The following GALNTL6 variants were observed in gnomAD, a reference collection of about 807,000 sequenced individuals.
The protein encoded by GALNTL6 is polypeptide N-acetylgalactosaminyltransferase like 6.
A neutral mutation model predicts 73.7 loss-of-function variants in GALNTL6; 46 were observed. The ratio of observed to expected loss-of-function variants is 0.62; its 90% CI spans 0.49 to 0.80. GALNTL6 has a LOEUF of 0.80. Ranked by LOEUF, GALNTL6 falls within the 30% of genes least tolerant of loss-of-function variation. The probability of loss-of-function intolerance (pLI) is 0.00; values close to 1 mark genes in which losing one functional copy is unlikely to be tolerated. For synonymous variants in GALNTL6, 259 were observed against 263.7 expected (o/e 0.98, Z 0.17); for missense variants, 604 against 755.0 (o/e 0.80, Z 2.34).
At chr4:171,964,219 G>A (rs1472506385) in intron 2 of GALNTL6, among the ~76,000 whole-genome samples, 1 of 151,640 alleles carries the variant, frequency 6.6e-6, no homozygotes, top group Non-Finnish European at 1.5e-5. Context: ...TTTTCTGCTG[G>A]TATCATTGAA....
chr4:172,583,859 C>T (rs1477107258), intron 5 of GALNTL6, among the ~76,000 whole-genome samples: 1 of 145,620 alleles, frequency 6.9e-6, no homozygotes, highest in Non-Finnish European at 1.5e-5. Context: ...CACCACCGCA[C>T]TCCAGCCTGG....
intron 2 of GALNTL6, among the ~76,000 whole-genome samples, chr4:172,105,218 C>T (rs1395713313): frequency 7.9e-5 from 12 of 151,592 alleles, no homozygotes; most frequent in African/African-American, 2.9e-4. Flanking sequence ...AAAAAAAGAA[C>T]ATATGAAGGG....
intron 8 of GALNTL6, among the ~76,000 whole-genome samples, chr4:172,918,513 T>A (rs948523093): frequency 1.3e-5 from 2 of 152,186 alleles, no homozygotes; most frequent in Non-Finnish European, 2.9e-5. Context: ...TCCAAACAGC[T>A]GAGAATACAT....
chr4:172,231,198 A>C lies in GALNTL6; in HGVS notation c.247+1434A>C, dbSNP rs536324102. Among the ~76,000 whole-genome samples, 14 of 152,220 alleles carry C rather than the reference A, an allele frequency of 9.2e-5. 1 individual carries two copies. The South Asian group carries it at 2.9e-3, about 32-fold the overall frequency. The stretch of plus-strand genomic sequence containing the variant: ...ATTTTTTTCCTCTATTTGCTTGATC[A>C]ACCCTATATTAATCCAACCACTTGT... On this transcript the variant is annotated intron_variant, in intron 3 of 12. Transcript: ENST00000506823.
At chr4:172,994,723 C>T (rs1579756679) in intron 10 of GALNTL6, among the ~76,000 whole-genome samples, 1 of 152,098 alleles carries the variant, frequency 6.6e-6, no homozygotes, top group African/African-American at 2.4e-5. Context: ...AGAAGACCGG[C>T]TATTACACTC....
intron 5 of GALNTL6, among the ~76,000 whole-genome samples, chr4:172,394,302 G>A (rs1196081163): frequency 6.6e-6 from 1 of 151,550 alleles, no homozygotes; most frequent in East Asian, 1.9e-4. Context: ...ATTGTTATTT[G>A]TATTCACATA....
chr4:172,028,313 A>T lies in GALNTL6; in HGVS notation c.139-201343A>T, dbSNP rs545868659. On this transcript the variant is annotated intron_variant, in intron 2 of 12. Transcript: ENST00000506823. ...AAAAAAAAGTATAAAAACTTCAAAAAAATATAAAGTTGACAGTATTAGGAA... is the reference window on the plus strand; with the variant it reads ...AAAAAAAAGTATAAAAACTTCAAAATAATATAAAGTTGACAGTATTAGGAA... 6.6e-3 allele frequency among the ~76,000 whole-genome samples: 893 copies of T among 134,882 alleles called. 9 individuals are homozygous for T. Among genetic ancestry groups the T allele is most frequent in the African/African-American group, 0.02 (797 of 40,034 alleles). The allele number at this position is 134,882 out of a possible 152,430, so 88.5% of individuals were successfully genotyped here. A position where few individuals can be genotyped will look rare whatever the true frequency, so the allele number is the denominator to read the frequency against.
chr4:172,976,721 G>T lies in GALNTL6; in HGVS notation c.1371+24463G>T, dbSNP rs147529330. Reference sequence around the variant, plus strand: ...GTCCACCTTTTCTGATTTCAGCCTGGTCCACACAGAAAGTTTGAGAGACAG... The same window carrying T: ...GTCCACCTTTTCTGATTTCAGCCTGTTCCACACAGAAAGTTTGAGAGACAG... On this transcript the variant is annotated intron_variant, in intron 10 of 12. Coordinates refer to ENST00000506823, the MANE Select transcript of GALNTL6 (RefSeq NM_001034845.3). Among the ~76,000 whole-genome samples the T allele has an allele frequency of 7.4e-3, 1,132 of 152,246 alleles. 36 individuals carry two copies. The South Asian group carries it at 0.11, about 14-fold the overall frequency.
chr4:172,429,097 C>T (rs1219794776), intron 5 of GALNTL6, among the ~76,000 whole-genome samples: 1 of 151,918 alleles, frequency 6.6e-6, no homozygotes, highest in East Asian at 1.9e-4. Flanking sequence ...TATAAAGGAA[C>T]TAATCCTATT....
intron 3 of GALNTL6, among the ~76,000 whole-genome samples, chr4:172,266,699 A>C (rs1404438052): frequency 1.3e-5 from 2 of 152,084 alleles, no homozygotes; most frequent in African/African-American, 4.8e-5. Context: ...CCCTTTCCCT[A>C]CAGATATTTT....
At chr4:173,010,769 A>AT (rs146884418) in intron 11 of GALNTL6, among the ~76,000 whole-genome samples, 2,250 of 125,812 alleles carry the variant, frequency 0.018, 46 homozygotes, top group African/African-American at 0.053. Context: ...TAATTTTTGT[A>AT]TTTTTTTTTT....
At chr4:172,997,086 G>C (rs1417914267) in intron 10 of GALNTL6, among the ~76,000 whole-genome samples, 1 of 152,104 alleles carries the variant, frequency 6.6e-6, no homozygotes, top group African/African-American at 2.4e-5. Context: ...CTCCACTTCA[G>C]TGTCTCTATC....
At chr4:172,603,830 A>T (rs915841731) in intron 5 of GALNTL6, among the ~76,000 whole-genome samples, 4 of 152,188 alleles carry the variant, frequency 2.6e-5, no homozygotes, top group Non-Finnish European at 5.9e-5. Context: ...AGCACACACT[A>T]TGGTGACTTA....
intron 2 of GALNTL6, among the ~76,000 whole-genome samples, chr4:171,874,768 T>G (rs139375738): frequency 9.2e-5 from 14 of 152,308 alleles, no homozygotes; most frequent in Admixed American, 3.9e-4. Context: ...TTTAAAAACT[T>G]TCTCATTCTG....
chr4:172,363,074 C>A (rs1259235315), intron 5 of GALNTL6, among the ~76,000 whole-genome samples: 4 of 152,118 alleles, frequency 2.6e-5, no homozygotes, highest in Non-Finnish European at 5.9e-5. Context: ...ATGTCAAAGT[C>A]CACCCTCCCT....
At chr4:172,763,063 T>C (rs1430313819) in intron 5 of GALNTL6, among the ~76,000 whole-genome samples, 1 of 152,148 alleles carries the variant, frequency 6.6e-6, no homozygotes, top group Non-Finnish European at 1.5e-5. Flanking sequence ...TCAGTCACCA[T>C]TTACCGACAC....
intron 3 of GALNTL6, among the ~76,000 whole-genome samples, chr4:172,296,538 G>T (rs1263033889): frequency 6.6e-6 from 1 of 151,930 alleles, no homozygotes; most frequent in Non-Finnish European, 1.5e-5. Context: ...ACAGGCCCCA[G>T]TGTGTGATGT....
chr4:172,600,197 A>G (rs1367113136), intron 5 of GALNTL6, among the ~76,000 whole-genome samples: 1 of 152,134 alleles, frequency 6.6e-6, no homozygotes, highest in African/African-American at 2.4e-5. Context: ...TGTAGCCATC[A>G]GAGAATAACT....
chr4:172,129,243 A>T (rs990412007), intron 2 of GALNTL6, among the ~76,000 whole-genome samples: 2 of 152,212 alleles, frequency 1.3e-5, no homozygotes, highest in African/African-American at 4.8e-5. Flanking sequence ...CAACAGATTC[A>T]GAGTAAGTAG....
Sources: allele counts gnomAD v4.1 joint callset (sites outside exome capture counted in the v4.1 genomes callset), GRCh38; gene constraint gnomAD v4.1.1; transcripts MANE v1.5; gene names NCBI Gene and HGNC (gene_info 2026-07-23, HGNC 2026-07-21).